DPYD: variants seen among roughly 807,000 people sequenced by gnomAD.
The protein encoded by DPYD is dihydropyrimidine dehydrogenase [NADP(+)].
Under a neutral mutation model 116.2 loss-of-function variants are expected in DPYD, and 109 were observed. That is an observed-to-expected ratio of 0.94 (90% confidence interval 0.80 to 1.10). The LOEUF (loss-of-function observed/expected upper bound fraction) is 1.10, where lower values mean the gene tolerates loss of function less well. Among genes scored for constraint, DPYD ranks in the 50% least tolerant of loss-of-function variants. The pLI is 0.00. For missense variants in DPYD, 1,302 were observed against 1,254.5 expected, an observed-to-expected ratio of 1.04 and a Z score of -0.57; for synonymous variants, 440 against 432.0, an observed-to-expected ratio of 1.02 and a Z score of -0.23.
At chr1:97,751,279 AAT>A (rs1192839944) in intron 3 of DPYD, among the ~76,000 whole-genome samples, 5 of 148,806 alleles carry the variant, frequency 3.4e-5, no homozygotes, top group Non-Finnish European at 1.5e-5. Flanking sequence ...GGGCTTTCAA[AAT>A]ATATATATAT....
intron 5 of DPYD, among the ~76,000 whole-genome samples, chr1:97,714,826 A>G (rs1207342570): frequency 6.6e-6 from 1 of 152,138 alleles, no homozygotes; most frequent in Admixed American, 6.6e-5. Context: ...TTACAGCCAG[A>G]AAACCAGGGT....
intron 8 of DPYD, among the ~76,000 whole-genome samples, chr1:97,640,195 A>G (rs1183574732): frequency 6.6e-6 from 1 of 152,068 alleles, no homozygotes; most frequent in Non-Finnish European, 1.5e-5. Flanking sequence ...TTAAGAAAAA[A>G]CTTCTAAGAA....
chr1:97,581,576 T>C (rs1462322376), intron 10 of DPYD, among the ~76,000 whole-genome samples: 1 of 151,332 alleles, frequency 6.6e-6, no homozygotes, highest in Non-Finnish European at 1.5e-5. Flanking sequence ...ACCTCATCTC[T>C]ACTAAATTTT....
intron 3 of DPYD, among the ~76,000 whole-genome samples, chr1:97,818,213 C>A (rs767169520): frequency 6.6e-6 from 1 of 151,964 alleles, no homozygotes; most frequent in Admixed American, 6.6e-5. Flanking sequence ...CTATCACTTG[C>A]AATATTAATT....
In DPYD at chr1:97,538,162, G is replaced by A. The variant is rs188422038; in HGVS notation, c.1524+11398C>T. Among the ~76,000 whole-genome samples the A allele has an allele frequency of 3.3e-3, 503 of 151,994 alleles. 5 individuals are homozygous for A. The highest frequency in any genetic ancestry group is 5.9e-3 in the Non-Finnish European group (404 of 67,990). On this transcript the variant is annotated intron_variant, in intron 12 of 22. Coordinates refer to ENST00000370192, the MANE Select transcript of DPYD (RefSeq NM_000110.4). ...GGCCCCAAATCACGGCATAAACCTA[G>A]TTTTCTCATGCCATTCCATTAACGA...
intron 20 of DPYD, among the ~76,000 whole-genome samples, chr1:97,180,796 T>G (rs1420243319): frequency 1.3e-5 from 2 of 152,170 alleles, no homozygotes; most frequent in Non-Finnish European, 2.9e-5. Context: ...ACAAAAGAAG[T>G]AACTGCATTT....
intron 14 of DPYD, among the ~76,000 whole-genome samples, chr1:97,419,381 C>T (rs914095100): frequency 6.6e-6 from 1 of 152,142 alleles, no homozygotes; most frequent in Non-Finnish European, 1.5e-5. Context: ...TGCTGTAGTT[C>T]CGGTTATCCC....
chr1:97,235,739 G>C (rs1050271912), intron 18 of DPYD, among the ~76,000 whole-genome samples: 2 of 152,154 alleles, frequency 1.3e-5, no homozygotes, highest in Admixed American at 1.3e-4. Flanking sequence ...GTACAAAGCA[G>C]ATGTTGCGAA....
intron 18 of DPYD, among the ~76,000 whole-genome samples, chr1:97,303,742 G>A (rs1666994744): frequency 6.6e-6 from 1 of 152,012 alleles, no homozygotes; most frequent in Non-Finnish European, 1.5e-5. Context: ...TGAGGTACAA[G>A]TCCTTTAAAA....
At chr1:97,648,219 A>G (rs1224197020) in intron 8 of DPYD, among the ~76,000 whole-genome samples, 1 of 152,042 alleles carries the variant, frequency 6.6e-6, no homozygotes, top group African/African-American at 2.4e-5. Flanking sequence ...GAGACTAAAT[A>G]TGGATTCAAT....
intron 1 of DPYD, among the ~76,000 whole-genome samples, chr1:97,906,494 A>G (rs1204031591): frequency 6.6e-6 from 1 of 152,080 alleles, no homozygotes; most frequent in Non-Finnish European, 1.5e-5. Context: ...GGTACTTAAT[A>G]TAGTTCCCAA....
chr1:97,413,800 C>T (rs1674143520), intron 14 of DPYD, among the ~76,000 whole-genome samples: 1 of 152,052 alleles, frequency 6.6e-6, no homozygotes, highest in Non-Finnish European at 1.5e-5. Context: ...GTAATTATAC[C>T]CCTAGATCAG....
At chr1:97,727,162 T>C (rs577172857) in intron 4 of DPYD, among the ~76,000 whole-genome samples, 1 of 151,838 alleles carries the variant, frequency 6.6e-6, no homozygotes, top group African/African-American at 2.4e-5. Flanking sequence ...AAGAAGTCAT[T>C]TCAGGTTAAG....
chr1:97,595,111 C>T lies in DPYD; in HGVS notation c.906G>A (p.Gly302=). ...AIFQGLTQDQ[G]FYTSKDFLPL... ...GCAAAAAGTCTTTGGATGTATAAAA[C>T]CCCTGGTCCTGCGTCAGGCCTTGGA... The change falls in exon 9 of 23, where the codon GGG becomes GGA. Residue 302 remains glycine, a synonymous_variant. Transcript: ENST00000370192. 1 of 1,613,706 alleles carries T rather than the reference C, an allele frequency of 6.2e-7. No homozygotes were observed. Among genetic ancestry groups the T allele is most frequent in the Non-Finnish European group, 8.5e-7 (1 of 1,179,706 alleles).
Position 97,450,133 on chromosome 1 carries a change from C to A in DPYD, c.1831G>T (p.Glu611Ter), listed in dbSNP as rs1057516671. 3 of 1,613,914 alleles carry A rather than the reference C, an allele frequency of 1.9e-6. No individual in the cohort carries two copies. Among genetic ancestry groups the A allele is most frequent in the Non-Finnish European group, 1.7e-6 (2 of 1,179,892 alleles). Residue 611 changes from glutamate to a stop codon, truncating the protein, a stop_gained, in exon 14 of 23, where the codon GAG becomes TAG. Transcript: ENST00000370192. LOFTEE classifies it high-confidence loss of function. ...GCAGCCGTTTTCTCACTGATGAGCT[C>A]AATATTCAGAAAGGAGCTTTGTCCA... ...GPGQSSFLNIELISEKTAAYW... is the reference protein window; with the variant it reads ...GPGQSSFLNI
intron 8 of DPYD, among the ~76,000 whole-genome samples, chr1:97,623,676 A>T (rs1656759293): frequency 6.6e-6 from 1 of 152,064 alleles, no homozygotes; most frequent in African/African-American, 2.4e-5. Context: ...AGCCAATGCA[A>T]TCATGAGCAA....
chr1:97,764,637 A>C (rs1665749601), intron 3 of DPYD, among the ~76,000 whole-genome samples: 1 of 152,110 alleles, frequency 6.6e-6, no homozygotes, highest in Non-Finnish European at 1.5e-5. Context: ...ATTAACTTAC[A>C]CTTTAAAGAA....
intron 3 of DPYD, among the ~76,000 whole-genome samples, chr1:97,800,436 A>AGCCTCAT (rs1667790937): frequency 1.3e-5 from 2 of 151,920 alleles, no homozygotes; most frequent in Admixed American, 1.3e-4. Flanking sequence ...GCAGAAAACT[A>AGCCTCAT]GCCTCATGGT....
intron 2 of DPYD, among the ~76,000 whole-genome samples, chr1:97,859,728 C>T (rs1671026360): frequency 6.6e-6 from 1 of 151,896 alleles, no homozygotes; most frequent in South Asian, 2.1e-4. Flanking sequence ...CTTTAGTATA[C>T]TAGTATGCAA....
Sources: allele counts gnomAD v4.1 joint callset (sites outside exome capture counted in the v4.1 genomes callset), GRCh38; gene constraint gnomAD v4.1.1; transcripts MANE v1.5; gene names NCBI Gene and HGNC (gene_info 2026-07-23, HGNC 2026-07-21).